STAU1: variants seen among roughly 807,000 people sequenced by gnomAD.
The protein encoded by STAU1 is staufen double-stranded RNA binding protein 1.
A neutral mutation model predicts 62.9 loss-of-function variants in STAU1; 13 were observed. That is an observed-to-expected ratio of 0.21 (90% CI 0.13 to 0.33). The LOEUF (loss-of-function observed/expected upper bound fraction) is 0.33, where lower values mean the gene tolerates loss of function less well. STAU1 is among the 10% of genes least tolerant of loss of function. The pLI is 1.00. For missense variants in STAU1, 571 were observed against 712.1 expected, an observed-to-expected ratio of 0.80 and a Z score of 2.25; for synonymous variants, 269 against 265.1, an observed-to-expected ratio of 1.01 and a Z score of -0.14.
At chr20:49,170,325 G>A (rs1230761267) in intron 2 of STAU1, among the ~76,000 whole-genome samples, 1 of 152,152 alleles carries the variant, frequency 6.6e-6, no homozygotes, top group Non-Finnish European at 1.5e-5. Context: ...TTAAATCTTT[G>A]TACTATGAAA....
rs141483696 is a variant in STAU1, at chr20:49,172,970, C to T, written c.-85+1225G>A. 3.5e-5 allele frequency among the ~76,000 whole-genome samples: 5 copies of T among 141,502 alleles called. No individual in the cohort carries two copies. In the South Asian group the frequency reaches 6.9e-4, roughly 19 times the overall value. 92.8% of individuals were successfully genotyped at this position (141,502 alleles called of 152,430 possible). A position where few individuals can be genotyped will look rare whatever the true frequency, so the allele number is the denominator to read the frequency against. On this transcript the variant is annotated intron_variant, in intron 2 of 13. Coordinates refer to ENST00000371856, the MANE Select transcript of STAU1 (RefSeq NM_017453.4). ...TCGGCTCACTGCAAGCTCTGCCTCCCGGGTTCACGCCATTCTCCCGCCCCC... is the reference window on the plus strand; with the variant it reads ...TCGGCTCACTGCAAGCTCTGCCTCCTGGGTTCACGCCATTCTCCCGCCCCC...
chr20:49,142,962 C>T (rs538969675), intron 5 of STAU1, among the ~76,000 whole-genome samples: 57 of 152,126 alleles, frequency 3.7e-4, no homozygotes, highest in African/African-American at 1.1e-3. Context: ...GCCACCATTT[C>T]GTTTTTTCAA....
intron 2 of STAU1, among the ~76,000 whole-genome samples, chr20:49,170,211 T>A (rs1282327749): frequency 1.3e-5 from 2 of 152,232 alleles, no homozygotes; most frequent in Non-Finnish European, 2.9e-5. Context: ...AGGCAGACCC[T>A]TCTAGAAATG....
the STAU1 span, among the ~76,000 whole-genome samples, chr20:49,211,620 G>C: frequency 6.6e-6 from 1 of 151,998 alleles, no homozygotes; most frequent in Non-Finnish European, 1.5e-5. Context: ...TGATTCTCCT[G>C]TCTCGGCCTC....
Position 49,117,190 on chromosome 20 carries a change from C to T in STAU1, c.1568G>A (p.Cys523Tyr). ...NKNEFVSLIN[C>Y]SSQPPLISHG... ...GCTGATCAGAGGTGGCTGAGAGGAG[C>T]AATTGATAAGAGATACAAATTCGTT... The change falls in exon 12 of 14, where the codon TGC becomes TAC. Residue 523 changes from cysteine to tyrosine, a missense_variant. Cys to Tyr is a radical substitution (Grantham distance 194). Around this residue, in one of 3 missense-constraint regions of STAU1, gnomAD observed 156 missense variants for 194.7 expected, o/e 0.80. Coordinates refer to ENST00000371856, the MANE Select transcript of STAU1 (RefSeq NM_017453.4). The surrounding 1 kb of genome is among the most constrained non-coding windows in gnomAD (Gnocchi z 4.6). 1 of 1,614,108 alleles carries T rather than the reference C, an allele frequency of 6.2e-7. No homozygotes were observed. The highest frequency in any genetic ancestry group is 8.5e-7 in the Non-Finnish European group (1 of 1,180,024).
chr20:49,189,000 AC>A (rs760497524), upstream of STAU1, among the ~76,000 whole-genome samples: 11 of 151,652 alleles, frequency 7.3e-5, no homozygotes, highest in Non-Finnish European at 1.3e-4. Context: ...AGAGATCGAG[AC>A]CATCCTGGCT....
At chr20:49,179,700 T>G (rs937387032) in intron 1 of STAU1, among the ~76,000 whole-genome samples, 1 of 152,226 alleles carries the variant, frequency 6.6e-6, no homozygotes, top group African/African-American at 2.4e-5. Flanking sequence ...CATGCCTCAG[T>G]TAATTGTAAT....
At chr20:49,152,201 A>C (rs1211039163) in intron 4 of STAU1, among the ~76,000 whole-genome samples, 1 of 152,182 alleles carries the variant, frequency 6.6e-6, no homozygotes, top group Non-Finnish European at 1.5e-5. Flanking sequence ...TACCTAGCAG[A>C]ACCCAGTTTC....
At chr20:49,194,868 CCTGTCAG>C in the STAU1 span, among the ~76,000 whole-genome samples, 1 of 151,784 alleles carries the variant, frequency 6.6e-6, no homozygotes, top group Non-Finnish European at 1.5e-5. Context: ...CATGAGCCAC[CCTGTCAG>C]CTTGTAATGA....
At chr20:49,137,832 AT>A (rs34370524) in intron 5 of STAU1, among the ~76,000 whole-genome samples, 2,149 of 128,398 alleles carry the variant, frequency 0.017, 50 homozygotes, top group African/African-American at 0.054. Context: ...CACCCGGCTA[AT>A]TTTTTTTTTT....
rs530051257 is a variant in STAU1, at chr20:49,129,781, C to T, written c.610-5194G>A. ...TAATGAGTAGCTGGGATTACAGGCA[C>T]ATGCCTGGCTAATTTTTTGTATTTT... On this transcript the variant is annotated intron_variant, in intron 6 of 13. Transcript: ENST00000371856. 2.6e-5 allele frequency among the ~76,000 whole-genome samples: 4 copies of T among 151,880 alleles called. No individual in the cohort carries two copies. In the East Asian group the frequency reaches 5.8e-4, roughly 22 times the overall value.
At chr20:49,195,925 G>GAAAAAAGAA in the STAU1 span, among the ~76,000 whole-genome samples, 4 of 93,724 alleles carry the variant, frequency 4.3e-5, no homozygotes, top group Non-Finnish European at 6.1e-5. Context: ...AAAGAAAAAA[G>GAAAAAAGAA]AAAAAAAAAA....
At chr20:49,161,315 G>C (rs1346051044) in intron 3 of STAU1, among the ~76,000 whole-genome samples, 2 of 152,032 alleles carry the variant, frequency 1.3e-5, no homozygotes, top group Non-Finnish European at 2.9e-5. Context: ...GGCAAAGAAA[G>C]ACTCTAAAAA....
At chr20:49,204,913 G>T in the STAU1 span, among the ~76,000 whole-genome samples, 10 of 151,824 alleles carry the variant, frequency 6.6e-5, no homozygotes, top group South Asian at 2.1e-3. Flanking sequence ...GCCTCCCAAA[G>T]TGTTGGGATT....
chr20:49,164,553 G>C (rs2093497552), intron 3 of STAU1, among the ~76,000 whole-genome samples: 1 of 151,440 alleles, frequency 6.6e-6, no homozygotes, highest in African/African-American at 2.4e-5. Flanking sequence ...GCCTCCCAAA[G>C]TACTGGGATT....
Position 49,118,466 on chromosome 20 carries a change from T to C in STAU1, c.1114-58A>G, listed in dbSNP as rs991904398. 39 of 1,329,910 alleles carry C rather than the reference T, an allele frequency of 2.9e-5. No homozygotes were observed. The Admixed American group carries it at 8.1e-4, about 28-fold the overall frequency. 82.4% of individuals were successfully genotyped at this position (1,329,910 alleles called of 1,614,324 possible). ...GAGCATAAATCAGATCACTGAAAAA[T>C]TAGCTCCTGCTGTCTAAATCTACAC... On this transcript the variant is annotated intron_variant, in intron 9 of 13. Transcript: ENST00000371856.
chr20:49,158,325 G>T, intron 3 of STAU1: 1 of 706,072 alleles, frequency 1.4e-6, no homozygotes. Flanking sequence ...TTCTTCTGAT[G>T]TAATCACTGA....
At chr20:49,175,055 C>A (rs1191520634) in intron 1 of STAU1, among the ~76,000 whole-genome samples, 1 of 152,014 alleles carries the variant, frequency 6.6e-6, no homozygotes, top group Non-Finnish European at 1.5e-5. Flanking sequence ...ACTTGGCAGG[C>A]TGAAGCAGGA....
chr20:49,162,320 C>T (rs2093461038), intron 3 of STAU1, among the ~76,000 whole-genome samples: 1 of 152,278 alleles, frequency 6.6e-6, no homozygotes, highest in African/African-American at 2.4e-5. Flanking sequence ...CAGTCTGTGC[C>T]TTTTCCTTTT....
Sources: allele counts gnomAD v4.1 joint callset (sites outside exome capture counted in the v4.1 genomes callset), GRCh38; gene constraint gnomAD v4.1.1; regional missense constraint gnomAD v4.1.1; non-coding constraint Gnocchi (gnomAD v3.1); transcripts MANE v1.5; gene names NCBI Gene and HGNC (gene_info 2026-07-23, HGNC 2026-07-21).